The following SLC61A1 variants were observed in gnomAD, a reference collection of about 807,000 sequenced individuals.
The protein encoded by SLC61A1 is solute carrier family 61 member 1.
the SLC61A1 span, chr12:53,254,151 C>T: frequency 7.4e-6 from 12 of 1,614,034 alleles, no homozygotes; most frequent in South Asian, 1.1e-4. Flanking sequence ...CTGCGGGTAC[C>T]TTCACCTACT....
At chr12:53,252,684 G>T in the SLC61A1 span, 1 of 1,235,744 alleles carries the variant, frequency 8.1e-7, no homozygotes, top group Non-Finnish European at 1.1e-6. Flanking sequence ...CCACCCAACT[G>T]GTCCCTCCGG....
At chr12:53,253,769 A>G in the SLC61A1 span, 1 of 1,614,058 alleles carries the variant, frequency 6.2e-7, no homozygotes, top group Non-Finnish European at 8.5e-7. Context: ...CCTTCAGCCC[A>G]TGCACCTGCT....
At chr12:53,252,042 G>T in the SLC61A1 span, 1 of 824,652 alleles carries the variant, frequency 1.2e-6, no homozygotes, top group East Asian at 6.2e-5. Context: ...CCGGGTAAGG[G>T]AAGGAGGGCG....
At chr12:53,254,284 T>C in the SLC61A1 span, 15 of 1,420,712 alleles carry the variant, frequency 1.1e-5, no homozygotes, top group Non-Finnish European at 9.5e-6. Context: ...GACTGTCCTG[T>C]GGTTTCTCCT....
chr12:53,251,215 A>G, the SLC61A1 span: 5 of 153,908 alleles, frequency 3.2e-5, no homozygotes. Context: ...AACCACGTGG[A>G]TATCTTGGAG....
the SLC61A1 span, chr12:53,253,786 T>G: frequency 6.2e-7 from 1 of 1,614,212 alleles, no homozygotes. Flanking sequence ...TGCTGTCCCT[T>G]GCTGTGCTCA....
chr12:53,254,010 G>A, the SLC61A1 span: 2 of 1,614,184 alleles, frequency 1.2e-6, no homozygotes, highest in South Asian at 1.1e-5. Flanking sequence ...GCTTGCCTAG[G>A]GCTCCTTGTC....
At chr12:53,253,735 T>A in the SLC61A1 span, 1 of 1,614,076 alleles carries the variant, frequency 6.2e-7, no homozygotes, top group Middle Eastern at 1.6e-4. Context: ...CCCTGTACCG[T>A]ATCGCCACCT....
chr12:53,252,758 G>A, the SLC61A1 span: 5 of 1,561,076 alleles, frequency 3.2e-6, no homozygotes, highest in Non-Finnish European at 3.5e-6. Flanking sequence ...GCTTAAGACA[G>A]CCCCTTGACC....
At chr12:53,252,850 C>G in the SLC61A1 span, 4 of 1,613,964 alleles carry the variant, frequency 2.5e-6, no homozygotes, top group Admixed American at 6.7e-5. Context: ...TGGTGACTGC[C>G]TACCTTGCTT....
the SLC61A1 span, chr12:53,252,825 G>A: frequency 3.1e-6 from 5 of 1,612,944 alleles, no homozygotes; most frequent in Non-Finnish European, 4.2e-6. Context: ...CAGGTCGTCC[G>A]GGGGCCCACC....
chr12:53,251,652 T>TA, the SLC61A1 span: 2 of 1,389,032 alleles, frequency 1.4e-6, no homozygotes, highest in African/African-American at 1.4e-5. Flanking sequence ...GACTGCGCCT[T>TA]AGTCTGTCTG....
the SLC61A1 span, chr12:53,253,896 G>A: frequency 6.2e-7 from 1 of 1,614,228 alleles, no homozygotes; most frequent in Non-Finnish European, 8.5e-7. Context: ...GAGTTGGCTT[G>A]TGGATTATAC....
the SLC61A1 span, chr12:53,253,088 C>A: frequency 6.2e-7 from 1 of 1,614,254 alleles, no homozygotes. Context: ...TGTCTGTGGC[C>A]TTGCCTCTAC....
chr12:53,254,240 G>A, the SLC61A1 span: 13 of 1,573,720 alleles, frequency 8.3e-6, no homozygotes, highest in African/African-American at 4.0e-5. Context: ...CCAGCTATCC[G>A]GGATTGTACA....
the SLC61A1 span, chr12:53,252,055 C>CG: frequency 3.1e-4 from 50 of 160,778 alleles, no homozygotes; most frequent in South Asian, 8.0e-4. Context: ...GGAGGGCGGG[C>CG]GGGCGGGGCG....
the SLC61A1 span, chr12:53,253,446 T>G: frequency 6.2e-7 from 1 of 1,614,100 alleles, no homozygotes; most frequent in Non-Finnish European, 8.5e-7. Flanking sequence ...GTAGCGCCCT[T>G]TGTGGCTGCC....
the SLC61A1 span, chr12:53,251,492 C>G: frequency 1.9e-6 from 1 of 518,956 alleles, no homozygotes; most frequent in Non-Finnish European, 3.4e-6. Context: ...GGGAATTAAG[C>G]TCCAAGGCTG....
At chr12:53,252,934 C>T in the SLC61A1 span, 3 of 1,614,202 alleles carry the variant, frequency 1.9e-6, no homozygotes, top group East Asian at 2.2e-5. Context: ...GAAGGGCCTG[C>T]AGCAATCCCT....
Sources: allele counts gnomAD v4.1 joint callset, GRCh38; gene constraint gnomAD v4.1.1; transcripts MANE v1.5; gene names NCBI Gene and HGNC (gene_info 2026-07-23, HGNC 2026-07-21).